Variants in HCRTR2 observed in about 807,000 individuals in gnomAD.
The protein encoded by HCRTR2 is orexin receptor type 2.
HCRTR2 carries 22 observed loss-of-function variants against 49.0 expected under a neutral mutation model. The ratio of observed to expected loss-of-function variants is 0.45; its 90% confidence interval spans 0.32 to 0.64. HCRTR2 has a LOEUF of 0.64. Among genes scored for constraint, HCRTR2 ranks in the 30% least tolerant of loss-of-function variants. HCRTR2 has a pLI of 0.04. For missense variants in HCRTR2, 491 were observed against 559.4 expected (o/e 0.88, Z 1.23); for synonymous variants, 236 against 205.3 (o/e 1.15, Z -1.28).
chr6:55,176,669 T>A (rs1273944647), intron 1 of HCRTR2, among the ~76,000 whole-genome samples: 1 of 152,192 alleles, frequency 6.6e-6, no homozygotes, highest in Admixed American at 6.5e-5. Context: ...AGGGACATAA[T>A]TTAAATTCAG....
intron 4 of HCRTR2, among the ~76,000 whole-genome samples, chr6:55,267,844 T>G (rs1442825289): frequency 6.6e-6 from 1 of 151,938 alleles, no homozygotes; most frequent in Non-Finnish European, 1.5e-5. Flanking sequence ...GCAAACAAAT[T>G]ACAATTGCAG....
chr6:55,121,976 A>T (rs1275799150), intron 1 of HCRTR2, among the ~76,000 whole-genome samples: 1 of 152,204 alleles, frequency 6.6e-6, no homozygotes, highest in East Asian at 1.9e-4. Flanking sequence ...TGGTGGCCTC[A>T]TAAAATGAGT....
At chr6:55,192,367 A>G (rs986846946) in intron 1 of HCRTR2, among the ~76,000 whole-genome samples, 8 of 151,730 alleles carry the variant, frequency 5.3e-5, no homozygotes, top group African/African-American at 1.9e-4. Context: ...TATCCTGGGT[A>G]ACATGGTGAG....
chr6:55,271,671 C>G (rs1219265291), intron 4 of HCRTR2, among the ~76,000 whole-genome samples: 1 of 151,990 alleles, frequency 6.6e-6, no homozygotes, highest in Non-Finnish European at 1.5e-5. Flanking sequence ...ACAAAGAACT[C>G]TTATGAATTA....
At chr6:55,231,922 A>T (rs1299833584) in intron 1 of HCRTR2, among the ~76,000 whole-genome samples, 1 of 152,182 alleles carries the variant, frequency 6.6e-6, no homozygotes. Context: ...AAGAAAACTC[A>T]TAATCTCCTC....
At chr6:55,213,821 G>A (rs1342981019) in intron 1 of HCRTR2, among the ~76,000 whole-genome samples, 1 of 152,126 alleles carries the variant, frequency 6.6e-6, no homozygotes, top group Non-Finnish European at 1.5e-5. Context: ...CAGAAAACAA[G>A]GGCAACAGTT....
intron 1 of HCRTR2, among the ~76,000 whole-genome samples, chr6:55,158,975 T>C (rs548915334): frequency 6.6e-6 from 1 of 152,258 alleles, no homozygotes; most frequent in East Asian, 1.9e-4. Flanking sequence ...GACTGCCTCC[T>C]CAAGTGGGTC....
intron 3 of HCRTR2, among the ~76,000 whole-genome samples, chr6:55,256,442 GAT>G (rs950287430): frequency 7.2e-5 from 11 of 152,038 alleles, no homozygotes; most frequent in African/African-American, 2.7e-4. Context: ...GCCAATCACT[GAT>G]ATATTAGGCA....
At chr6:55,126,613 C>T (rs1052280717) in intron 1 of HCRTR2, among the ~76,000 whole-genome samples, 5 of 152,198 alleles carry the variant, frequency 3.3e-5, no homozygotes, top group South Asian at 2.1e-4. Flanking sequence ...TAGCAGAGCT[C>T]GAATGCTGTG....
chr6:55,213,783 A>T (rs189079935), intron 1 of HCRTR2, among the ~76,000 whole-genome samples: 1 of 152,252 alleles, frequency 6.6e-6, no homozygotes, highest in Non-Finnish European at 1.5e-5. Flanking sequence ...ACAAGTGCTA[A>T]TTGGGAAGTC....
At chr6:55,238,861 C>G (rs2127304188) in intron 1 of HCRTR2, among the ~76,000 whole-genome samples, 1 of 152,154 alleles carries the variant, frequency 6.6e-6, no homozygotes, top group Non-Finnish European at 1.5e-5. Context: ...AGAAAAGACC[C>G]CCAAAATAAG....
At chr6:55,157,240 G>C (rs1372543349) in intron 1 of HCRTR2, among the ~76,000 whole-genome samples, 1 of 152,030 alleles carries the variant, frequency 6.6e-6, no homozygotes, top group African/African-American at 2.4e-5. Flanking sequence ...AAATAACTCT[G>C]AAAATGAAAA....
chr6:55,203,003 A>T (rs1765537610), intron 1 of HCRTR2, among the ~76,000 whole-genome samples: 1 of 152,210 alleles, frequency 6.6e-6, no homozygotes, highest in South Asian at 2.1e-4. Context: ...ACCTTAAAAA[A>T]TGTAAAAACA....
intron 3 of HCRTR2, among the ~76,000 whole-genome samples, chr6:55,261,413 A>T (rs961747078): frequency 2.8e-4 from 42 of 151,684 alleles, no homozygotes; most frequent in Admixed American, 2.7e-3. Context: ...TTTATTTTTT[A>T]TTTTATTTTT....
At chr6:55,200,265 G>GTGTGTA (rs1765489340) in intron 1 of HCRTR2, among the ~76,000 whole-genome samples, 1 of 149,892 alleles carries the variant, frequency 6.7e-6, no homozygotes, top group African/African-American at 2.5e-5. Context: ...GTGTGTGTGT[G>GTGTGTA]TGTGTGTGTG....
intron 1 of HCRTR2, among the ~76,000 whole-genome samples, chr6:55,197,633 T>G (rs573091334): frequency 4.6e-5 from 7 of 152,082 alleles, no homozygotes; most frequent in Non-Finnish European, 1.0e-4. Flanking sequence ...TCCTTTCTCT[T>G]TTTTTTGAGA....
At chr6:55,154,725 A>G (rs12200927) in intron 1 of HCRTR2, among the ~76,000 whole-genome samples, 39,018 of 150,454 alleles carry the variant, frequency 0.26, 6,241 homozygotes, top group Middle Eastern at 0.45. Context: ...AATATAAATA[A>G]ATAAATAAAA....
At chr6:55,243,098 G>A (rs1006814032) in intron 1 of HCRTR2, among the ~76,000 whole-genome samples, 1 of 152,132 alleles carries the variant, frequency 6.6e-6, no homozygotes, top group Non-Finnish European at 1.5e-5. Flanking sequence ...GAACCGGTAA[G>A]ACAAATGACA....
intron 1 of HCRTR2, among the ~76,000 whole-genome samples, chr6:55,237,744 AGTTTGTTCTGCAGTAAGCTTATCTGCC>A: frequency 6.6e-6 from 1 of 152,174 alleles, no homozygotes; most frequent in Non-Finnish European, 1.5e-5. Flanking sequence ...TTAGGTGGGA[AGTTTGTTCTGCAGTAAGCTTATCTGCC>A]GTTACCAGAA....
Sources: gnomAD v4.1 joint callset for allele counts (sites outside exome capture counted in the v4.1 genomes callset) on GRCh38, gnomAD v4.1.1 for gene constraint, MANE v1.5 for transcripts, NCBI Gene and HGNC (gene_info 2026-07-23, HGNC 2026-07-21) for gene names.